Variants in STRADA observed in about 807,000 individuals in gnomAD.
STRADA encodes the protein STE20-related kinase adapter protein alpha.
STRADA carries 26 observed loss-of-function variants against 55.0 expected under a neutral mutation model. That is an observed-to-expected ratio of 0.47 (90% CI 0.35 to 0.66). The LOEUF is 0.66. Ranked by LOEUF, STRADA falls within the 30% of genes least tolerant of loss-of-function variation. STRADA has a pLI of 0.01. For missense variants in STRADA, 443 were observed against 549.7 expected (o/e 0.81, Z 1.94); for synonymous variants, 197 against 210.9 (o/e 0.93, Z 0.57).
At chr17:63,719,750 C>T (rs769324143) in intron 4 of STRADA, among the ~76,000 whole-genome samples, 12 of 152,154 alleles carry the variant, frequency 7.9e-5, no homozygotes, top group Non-Finnish European at 8.8e-5. Context: ...TCCCAAAGTG[C>T]TGGGGTTACA....
chr17:63,704,663 C>T, intron 10 of STRADA, 81 bp from the exon 11 acceptor site: 1 of 1,516,958 alleles, frequency 6.6e-7, no homozygotes, highest in Non-Finnish European at 8.8e-7. Flanking sequence ...AGTCTCTTCA[C>T]AAATACACTG....
intron 4 of STRADA, 178 bp from the exon 5 acceptor site, chr17:63,714,286 C>A: frequency 1.7e-6 from 1 of 595,964 alleles, no homozygotes; most frequent in South Asian, 1.6e-5. Context: ...TAGTAATCAG[C>A]ACTAATATCA....
At chr17:63,738,340 CAAAAA>C (rs561180973) in intron 1 of STRADA, among the ~76,000 whole-genome samples, 1 of 76,788 alleles carries the variant, frequency 1.3e-5, no homozygotes, top group Non-Finnish European at 2.7e-5. Context: ...GACTCCGACT[CAAAAA>C]AAAAAAAAAA....
chr17:63,707,841 C>T (rs2036214382), intron 8 of STRADA, among the ~76,000 whole-genome samples: 1 of 151,882 alleles, frequency 6.6e-6, no homozygotes, highest in South Asian at 2.1e-4. Context: ...CACCATTCTC[C>T]TGCCTCAGCC....
chr17:63,733,756 G>A (rs914761906), intron 1 of STRADA, among the ~76,000 whole-genome samples: 3 of 152,206 alleles, frequency 2.0e-5, no homozygotes, highest in Non-Finnish European at 4.4e-5. Flanking sequence ...TTTCCTTCTG[G>A]GAGTCCAGTT....
intron 10 of STRADA, chr17:63,704,977 G>A (rs1377308890): frequency 1.5e-5 from 21 of 1,414,470 alleles, no homozygotes; most frequent in African/African-American, 4.3e-5. Flanking sequence ...AGGTGGATCC[G>A]ATGAGGTCTG....
At chr17:63,723,236 A>C in intron 4 of STRADA, 62 bp downstream of exon 4, 2 of 1,570,186 alleles carry the variant, frequency 1.3e-6, no homozygotes. Flanking sequence ...AAACACACAA[A>C]CTTCCACAAG....
chr17:63,731,031 A>G (rs1457885376), intron 1 of STRADA, among the ~76,000 whole-genome samples: 1 of 148,196 alleles, frequency 6.7e-6, no homozygotes, highest in Non-Finnish European at 1.5e-5. Context: ...GCAACCTCCG[A>G]CTCCCAGGTT....
intron 1 of STRADA, among the ~76,000 whole-genome samples, chr17:63,734,540 A>G (rs906086291): frequency 6.6e-6 from 1 of 152,224 alleles, no homozygotes; most frequent in Middle Eastern, 3.4e-3. Context: ...GCTACTTGGG[A>G]GGCTGAGAAT....
chr17:63,707,548 C>G (rs2036185457), intron 8 of STRADA, 130 bp from the exon 9 acceptor site: 1 of 794,398 alleles, frequency 1.3e-6, no homozygotes, highest in South Asian at 1.8e-5. Context: ...GTGTATTTTA[C>G]ATATACATAA....
chr17:63,710,739 A>C lies in STRADA; in HGVS notation c.446T>G (p.Phe149Cys). ...CCTTTCCCACTCACCGTATGCCATG[A>C]ATGATGTGACAACCCACAGCTCATT... ...ADNELWVVTSFMAYGSAKDLI... is the reference protein window; with the variant it reads ...ADNELWVVTSCMAYGSAKDLI... Residue 149 changes from phenylalanine (F) to cysteine (C), a missense_variant, in exon 7 of 13, where the codon TTC becomes TGC. Physicochemically the swap from Phe to Cys is radical, Grantham distance 205. Transcript: ENST00000336174. The C allele has an allele frequency of 6.2e-7, 1 of 1,614,230 alleles. No homozygotes were observed. Among genetic ancestry groups the C allele is most frequent in the Non-Finnish European group, 8.5e-7 (1 of 1,180,020 alleles).
At chr17:63,709,447 T>A (rs913386231) in intron 8 of STRADA, among the ~76,000 whole-genome samples, 24 of 152,214 alleles carry the variant, frequency 1.6e-4, no homozygotes, top group Non-Finnish European at 7.3e-5. Flanking sequence ...GCTGTCCATT[T>A]CTTGTTGATT....
At chr17:63,706,521 G>C in intron 10 of STRADA, 114 bp downstream of exon 10, 1 of 741,556 alleles carries the variant, frequency 1.3e-6, no homozygotes, top group Non-Finnish European at 2.2e-6. Context: ...TGAAGGAAAA[G>C]ACAGGGTCTT....
Position 63,704,478 on chromosome 17 carries a change from A to G in STRADA, c.963T>C (p.Ser321=), listed in dbSNP as rs759362759. 2 of 1,613,378 alleles carry G rather than the reference A, an allele frequency of 1.2e-6. No homozygotes were observed. The highest frequency in any genetic ancestry group is 3.3e-5 in the Admixed American group (2 of 59,992). The change falls in exon 11 of 13, where the codon TCT becomes TCC. Residue 321 remains serine (S), a synonymous_variant. Coordinates refer to ENST00000336174, the MANE Select transcript of STRADA (RefSeq NM_001003787.4). ...TMSPSRSVAN[S]GLSDSLTTST... ...TGGTGGTCAGGCTGTCACTCAGGCCAGAGTTGGCCACTGAGCGCGAAGGGC... is the reference window on the plus strand; with the variant it reads ...TGGTGGTCAGGCTGTCACTCAGGCCGGAGTTGGCCACTGAGCGCGAAGGGC...
intron 6 of STRADA, among the ~76,000 whole-genome samples, chr17:63,711,876 G>A (rs1376147561): frequency 6.6e-6 from 1 of 152,040 alleles, no homozygotes. Flanking sequence ...TTGAGGCTGT[G>A]GTGAGCTGTG....
At chr17:63,737,864 G>C (rs531175759) in intron 1 of STRADA, among the ~76,000 whole-genome samples, 1 of 152,184 alleles carries the variant, frequency 6.6e-6, no homozygotes, top group South Asian at 2.1e-4. Context: ...GCATGTGCCT[G>C]TGGTCCCAGC....
intron 4 of STRADA, 47 bp from the exon 5 acceptor site, chr17:63,714,155 G>T: frequency 6.8e-7 from 1 of 1,470,072 alleles, no homozygotes; most frequent in Non-Finnish European, 9.5e-7. Flanking sequence ...ACTGGGGGTG[G>T]GATGGGAGTG....
intron 1 of STRADA, among the ~76,000 whole-genome samples, chr17:63,734,736 T>C (rs1158086306): frequency 6.6e-6 from 1 of 152,230 alleles, no homozygotes; most frequent in Non-Finnish European, 1.5e-5. Context: ...TAACAGCATT[T>C]ACCACATGTG....
intron 1 of STRADA, among the ~76,000 whole-genome samples, chr17:63,729,673 C>T (rs528066376): frequency 6.6e-6 from 1 of 151,762 alleles, no homozygotes; most frequent in African/African-American, 2.4e-5. Context: ...CCTATAGTCC[C>T]AGCTACTCAG....
Sources: allele counts gnomAD v4.1 joint callset (sites outside exome capture counted in the v4.1 genomes callset), GRCh38; gene constraint gnomAD v4.1.1; transcripts MANE v1.5; gene names NCBI Gene and HGNC (gene_info 2026-07-23, HGNC 2026-07-21).